Variants in SCN2B observed in about 807,000 individuals in gnomAD.
SCN2B encodes the protein sodium voltage-gated channel beta subunit 2.
In SCN2B, 14 loss-of-function variants were observed where a neutral mutation model predicts 18.2. The observed-to-expected ratio is 0.77, with a 90% CI of 0.51 to 1.21. The LOEUF is 1.21. Among genes scored for constraint, SCN2B ranks in the 50% most tolerant of loss-of-function variants. The pLI, the probability that SCN2B is intolerant of heterozygous loss-of-function variation, is 0.00. For missense variants in SCN2B, 262 were observed against 286.9 expected (o/e 0.91, Z 0.63); for synonymous variants, 115 against 115.3 (o/e 1.00, Z 0.02).
intron 1 of SCN2B, among the ~76,000 whole-genome samples, chr11:118,171,106 C>A (rs1245648737): frequency 6.6e-6 from 1 of 152,192 alleles, no homozygotes; most frequent in Non-Finnish European, 1.5e-5. Context: ...ACCAGAGATT[C>A]TCTGAACTGG....
intron 1 of SCN2B, among the ~76,000 whole-genome samples, chr11:118,174,262 A>C (rs11216795): frequency 7.5e-4 from 114 of 151,690 alleles, no homozygotes; most frequent in Middle Eastern, 6.9e-3. Flanking sequence ...CTATGCCTCC[A>C]CTAACATAAT....
rs757583950 is a variant in SCN2B at position 118,166,872 on chromosome 11, A to AG, written c.*14dup. ...GAGGAGACGGGACACGGGAGGCTGC[A>AG]GGGCCGGCCACCCACTACTTGGCGC... On this transcript the variant is annotated 3_prime_UTR_variant, in exon 4 of 4. Coordinates refer to ENST00000278947, the MANE Select transcript of SCN2B (RefSeq NM_004588.5). The AG allele has an allele frequency of 3.7e-6, 6 of 1,613,608 alleles. No homozygotes were observed. The highest frequency in any genetic ancestry group is 5.1e-6 in the Non-Finnish European group (6 of 1,179,940).
At chr11:118,169,848 G>C (rs605010) in intron 1 of SCN2B, among the ~76,000 whole-genome samples, 9,163 of 152,180 alleles carry the variant, frequency 0.06, 917 homozygotes, top group African/African-American at 0.21. Context: ...AGCCTACAGG[G>C]AGGCGAGCGA....
chr11:118,170,017 C>T (rs1214732870), intron 1 of SCN2B, among the ~76,000 whole-genome samples: 4 of 152,206 alleles, frequency 2.6e-5, no homozygotes, highest in Non-Finnish European at 5.9e-5. Flanking sequence ...TCAGAAGATT[C>T]CTTTTCTTTA....
intron 1 of SCN2B, among the ~76,000 whole-genome samples, chr11:118,169,782 CTT>C (rs1948415330): frequency 6.6e-6 from 1 of 152,130 alleles, no homozygotes; most frequent in African/African-American, 2.4e-5. Flanking sequence ...GGCCAGGAGA[CTT>C]TGGTGCTGGG....
At position 118,166,775 on chromosome 11, in the gene SCN2B, G is replaced by T. The variant is rs1034533100; in HGVS notation, c.*112C>A. On this transcript the variant is annotated 3_prime_UTR_variant, in exon 4 of 4. Coordinates refer to ENST00000278947, the MANE Select transcript of SCN2B (RefSeq NM_004588.5). ...CGGGGGTTCAGGAGGCCCCAGGTGGGCCCTGGGGTCCTAGGTCACGGGAAG... is the reference window on the plus strand; with the variant it reads ...CGGGGGTTCAGGAGGCCCCAGGTGGTCCCTGGGGTCCTAGGTCACGGGAAG... The T allele has an allele frequency of 1.5e-6, 2 of 1,307,936 alleles. No homozygotes were observed. Among genetic ancestry groups the T allele is most frequent in the African/African-American group, 1.4e-5 (1 of 69,004 alleles). The allele number at this position is 1,307,936 out of a possible 1,614,324, so 81.0% of individuals were successfully genotyped here.
In SCN2B at chr11:118,167,071, TC is replaced by T; in HGVS notation, c.463del (p.Asp155ThrfsTer6). The part of the protein sequence containing the change: ...QVLMEEPPER[D>X]STVAVIVGAS... Reference sequence around the variant, plus strand: ...ACCCACAATCACGGCCACCGTGGAGTCCCGCTCAGGGGGCTCTGGAAAGGAA... The same window carrying T: ...ACCCACAATCACGGCCACCGTGGAGTCCGCTCAGGGGGCTCTGGAAAGGAA... On this transcript the variant is annotated frameshift_variant, in exon 4 of 4. Transcript: ENST00000278947. LOFTEE classifies it high-confidence loss of function. The T allele has an allele frequency of 6.2e-7, 1 of 1,612,288 alleles. No individual in the cohort carries two copies.
rs1565463299 is a variant in SCN2B, at chr11:118,168,495, CG to C, written c.237+89del. 3.4e-4 allele frequency: 525 copies of C among 1,556,074 alleles called. No homozygotes were observed. The highest frequency in any genetic ancestry group is 2.2e-3 in the Middle Eastern group (13 of 5,914). On this transcript the variant is annotated intron_variant, in intron 2 of 3. Transcript: ENST00000278947. This position sits in a 1 kb window ranked among gnomAD's most constrained non-coding sequence, Gnocchi z 4.7. ...CACCCAGGGTCCTCTGGGGCCCTAG[CG>C]CAGTGCCGGGGCCGGTGGTGGGACC... is the stretch of plus-strand genomic sequence containing the variant.
Position 118,168,306 on chromosome 11 carries a change from A to G in SCN2B, c.238-11T>C, listed in dbSNP as rs764454345. 1.2e-6 allele frequency: 2 copies of G among 1,612,396 alleles called. No homozygotes were observed. Among genetic ancestry groups the G allele is most frequent in the Non-Finnish European group, 1.7e-6 (2 of 1,178,470 alleles). Reference sequence around the variant, plus strand: ...GCGGAACTGGAGGAACTGGGGTTGGAGCAAGGGACAGGATGGGTGGCTGGA... The same window carrying G: ...GCGGAACTGGAGGAACTGGGGTTGGGGCAAGGGACAGGATGGGTGGCTGGA... On this transcript the variant is annotated splice_polypyrimidine_tract_variant and intron_variant, in intron 2 of 3. Coordinates refer to ENST00000278947, the MANE Select transcript of SCN2B (RefSeq NM_004588.5). The surrounding 1 kb of genome is among the most constrained non-coding windows in gnomAD (Gnocchi z 4.7).
rs1948367992 is a variant in SCN2B, at chr11:118,165,198, GC to G, written c.*1688del. 6.6e-6 allele frequency: 1 copy of G among 152,592 alleles called. No individual in the cohort carries two copies. Among genetic ancestry groups the G allele is most frequent in the Admixed American group, 6.5e-5 (1 of 15,278 alleles). 9.5% of individuals were successfully genotyped at this position (152,592 alleles called of 1,614,324 possible). A position where few individuals can be genotyped will look rare whatever the true frequency, so the allele number is the denominator to read the frequency against. On this transcript the variant is annotated 3_prime_UTR_variant, in exon 4 of 4. Transcript: ENST00000278947. ...CCCCATCATAGACCAGGACACAGAG[GC>G]CCCTCCCACTGGGAAAATGATGGCT... is the stretch of plus-strand genomic sequence containing the variant.
intron 1 of SCN2B, among the ~76,000 whole-genome samples, chr11:118,173,100 C>T (rs1330452510): frequency 6.6e-6 from 1 of 152,050 alleles, no homozygotes; most frequent in African/African-American, 2.4e-5. Flanking sequence ...CACTCCTCAC[C>T]TCCAGACCTC....
chr11:118,171,758 T>A (rs1271788340), intron 1 of SCN2B, among the ~76,000 whole-genome samples: 1 of 152,220 alleles, frequency 6.6e-6, no homozygotes, highest in Admixed American at 6.5e-5. Flanking sequence ...CTCCCCACCC[T>A]GCAGCGGGGC....
Position 118,166,905 on chromosome 11 carries a change from C to A in SCN2B, c.630G>T (p.Pro210=). ...EEGKTDGEGN[P]DDGAK is the part of the protein sequence containing the mutation. The stretch of plus-strand genomic sequence containing the variant: ...CCACCCACTACTTGGCGCCATCATC[C>A]GGGTTGCCTTCACCGTCCGTCTTGC... The change falls in exon 4 of 4, where the codon CCG becomes CCT. Residue 210 remains proline, a synonymous_variant. Coordinates refer to ENST00000278947, the MANE Select transcript of SCN2B (RefSeq NM_004588.5). 1 of 1,614,042 alleles carries A rather than the reference C, an allele frequency of 6.2e-7. No homozygotes were observed. The highest frequency in any genetic ancestry group is 8.5e-7 in the Non-Finnish European group (1 of 1,180,016).
chr11:118,171,516 C>T (rs1158988678), intron 1 of SCN2B, among the ~76,000 whole-genome samples: 1 of 152,244 alleles, frequency 6.6e-6, no homozygotes, highest in African/African-American at 2.4e-5. Context: ...CGATCATCTT[C>T]CCAGGGGCTC....
At chr11:118,173,906 ACTTTCTTTCTTT>A (rs111226922) in intron 1 of SCN2B, among the ~76,000 whole-genome samples, 8 of 151,502 alleles carry the variant, frequency 5.3e-5, no homozygotes, top group East Asian at 3.9e-4. Context: ...ACTAGACTTC[ACTTTCTTTCTTT>A]CTTTCTTTCT....
intron 3 of SCN2B, 130 bp downstream of exon 3, chr11:118,167,955 T>G: frequency 1.3e-6 from 1 of 754,978 alleles, no homozygotes; most frequent in Non-Finnish European, 2.4e-6. Context: ...ATGGATTCCT[T>G]CTATGCAGCA....
intron 1 of SCN2B, among the ~76,000 whole-genome samples, chr11:118,173,390 C>T (rs2134620968): frequency 6.6e-6 from 1 of 152,348 alleles, no homozygotes; most frequent in African/African-American, 2.4e-5. Flanking sequence ...TCCCAGCTTA[C>T]AGGGCATTAG....
Position 118,168,371 on chromosome 11 carries a change from T to C in SCN2B, c.238-76A>G, listed in dbSNP as rs1227418510. On this transcript the variant is annotated intron_variant, in intron 2 of 3. Transcript: ENST00000278947. The surrounding 1 kb of genome is among the most constrained non-coding windows in gnomAD (Gnocchi z 4.7). ...CAAGGACAGTGAGGATGCCCCCTCT[T>C]CCCATCCACCCTTTTCCTGGGGAAG... The C allele has an allele frequency of 3.6e-6, 5 of 1,388,010 alleles. No homozygotes were observed. The East Asian group carries it at 9.1e-5, about 25-fold the overall frequency. The allele number at this position is 1,388,010 out of a possible 1,614,324, so 86.0% of individuals were successfully genotyped here.
In SCN2B at chr11:118,163,513, T is replaced by C. The variant is rs611960; in HGVS notation, c.*3374A>G. 6.6e-6 allele frequency: 1 copy of C among 152,410 alleles called. No individual in the cohort carries two copies. Among genetic ancestry groups the C allele is most frequent in the Non-Finnish European group, 1.5e-5 (1 of 68,024 alleles). 9.4% of individuals were successfully genotyped at this position (152,410 alleles called of 1,614,324 possible). On this transcript the variant is annotated 3_prime_UTR_variant, in exon 4 of 4. Transcript: ENST00000278947. ...GAAGAGTCCATAGCTAGGGGGCAGATAGCTATTTCCAAAGCCAGTTCCAAG... is the reference window on the plus strand; with the variant it reads ...GAAGAGTCCATAGCTAGGGGGCAGACAGCTATTTCCAAAGCCAGTTCCAAG...
Sources: allele counts gnomAD v4.1 joint callset (sites outside exome capture counted in the v4.1 genomes callset), GRCh38; gene constraint gnomAD v4.1.1; non-coding constraint Gnocchi (gnomAD v3.1); transcripts MANE v1.5; gene names NCBI Gene and HGNC (gene_info 2026-07-23, HGNC 2026-07-21).